PPP4R4: variants seen among roughly 807,000 people sequenced by gnomAD.
PPP4R4 encodes the protein protein phosphatase 4 regulatory subunit 4.
Under a neutral mutation model 121.8 loss-of-function variants are expected in PPP4R4, and 70 were observed. The observed-to-expected ratio is 0.57, with a 90% CI of 0.47 to 0.70. The LOEUF is 0.70. Among genes scored for constraint, PPP4R4 ranks in the 30% least tolerant of loss-of-function variants. The pLI is 0.00. For synonymous variants in PPP4R4, 348 were observed against 355.7 expected (o/e 0.98, Z 0.24); for missense variants, 875 against 1,033.6 (o/e 0.85, Z 2.10).
chr14:94,250,885 A>C (rs1391872280), intron 15 of PPP4R4, among the ~76,000 whole-genome samples: 2 of 151,966 alleles, frequency 1.3e-5, no homozygotes, highest in Non-Finnish European at 1.5e-5. Context: ...ATAATGTCTT[A>C]ATATTTTTAC....
In PPP4R4 at chr14:94,265,440, G is replaced by C. The variant is rs1326304735; in HGVS notation, c.2251G>C (p.Val751Leu). The change falls in exon 21 of 25, where the codon GTT becomes CTT. Residue 751 changes from valine (V) to leucine (L), a missense_variant. By Grantham distance (32) the Val-to-Leu change is conservative (BLOSUM62 1). Coordinates refer to ENST00000304338, the MANE Select transcript of PPP4R4 (RefSeq NM_058237.2). ...TCTGCCCAAGAACATCCCCATTTCT[G>C]TTCCTGGACCCTCTTCTGTCACCCC... ...QSLPKNIPIS[V>L]PGPSSVTPST... 2.5e-6 allele frequency: 4 copies of C among 1,612,886 alleles called. No individual in the cohort carries two copies. The highest frequency in any genetic ancestry group is 3.3e-5 in the Admixed American group (2 of 60,020).
intron 2 of PPP4R4, among the ~76,000 whole-genome samples, chr14:94,196,365 T>C (rs1307154375): frequency 7.3e-6 from 1 of 136,150 alleles, no homozygotes; most frequent in Non-Finnish European, 1.5e-5. Context: ...CAGGCTGGAG[T>C]GCAGTGGCAC....
Position 94,180,595 on chromosome 14 carries a change from CTT to C in PPP4R4, c.191+4485_191+4486del, listed in dbSNP as rs34648844. Among the ~76,000 whole-genome samples, 1,167 of 123,922 alleles carry C rather than the reference CTT, an allele frequency of 9.4e-3. 9 individuals carry two copies. Among genetic ancestry groups the C allele is most frequent in the South Asian group, 0.033 (129 of 3,854 alleles). The allele number at this position is 123,922 out of a possible 152,430, so 81.3% of individuals were successfully genotyped here. A position where few individuals can be genotyped will look rare whatever the true frequency, so the allele number is the denominator to read the frequency against. Reference sequence around the variant, plus strand: ...CAGGGCAGTCAGATAAAGAGCTTTGCTTTTTTTTTTTTTTTTTTCTTTTTTCT... The same window carrying C: ...CAGGGCAGTCAGATAAAGAGCTTTGCTTTTTTTTTTTTTTTTCTTTTTTCT... On this transcript the variant is annotated intron_variant, in intron 2 of 24. Coordinates refer to ENST00000304338, the MANE Select transcript of PPP4R4 (RefSeq NM_058237.2).
intron 3 of PPP4R4, among the ~76,000 whole-genome samples, chr14:94,214,343 A>T (rs1410490313): frequency 6.6e-6 from 1 of 152,170 alleles, no homozygotes; most frequent in African/African-American, 2.4e-5. Flanking sequence ...TAAAGAAAGG[A>T]TAAAAGGGAC....
At chr14:94,244,543 T>C in intron 11 of PPP4R4, 92 bp from the exon 12 acceptor site, 1 of 1,029,324 alleles carries the variant, frequency 9.7e-7, no homozygotes, top group Non-Finnish European at 1.3e-6. Context: ...TTAGAAGAAA[T>C]ATATAACAAG....
At chr14:94,189,075 A>G (rs1223122470) in intron 2 of PPP4R4, among the ~76,000 whole-genome samples, 2 of 152,216 alleles carry the variant, frequency 1.3e-5, no homozygotes, top group African/African-American at 4.8e-5. Flanking sequence ...TTTCTCTTAG[A>G]GAAGAAAATA....
chr14:94,227,941 A>G lies in PPP4R4; in HGVS notation c.295-2646A>G, dbSNP rs183310050. Reference sequence around the variant, plus strand: ...TGGAAGAAATGTTTCTTTTGGGAACACTAAAACAAAGGGGTATGGGAGGAT... The same window carrying G: ...TGGAAGAAATGTTTCTTTTGGGAACGCTAAAACAAAGGGGTATGGGAGGAT... On this transcript the variant is annotated intron_variant, in intron 3 of 24. Coordinates refer to ENST00000304338, the MANE Select transcript of PPP4R4 (RefSeq NM_058237.2). 7.6e-6 allele frequency: 7 copies of G among 920,714 alleles called. No homozygotes were observed. In the East Asian group the frequency reaches 5.9e-4, roughly 78 times the overall value. The allele number at this position is 920,714 out of a possible 1,614,324, so 57.0% of individuals were successfully genotyped here.
At chr14:94,257,941 A>C (rs10146882) in intron 17 of PPP4R4, among the ~76,000 whole-genome samples, 80,647 of 151,928 alleles carry the variant, frequency 0.53, 23,466 homozygotes, top group African/African-American at 0.77. Context: ...CCAGTCTGTC[A>C]CATGGAAATT....
At chr14:94,274,957 AAAGG>A (rs1403222404) in intron 23 of PPP4R4, among the ~76,000 whole-genome samples, 6 of 150,396 alleles carry the variant, frequency 4.0e-5, no homozygotes, top group East Asian at 1.9e-4. Context: ...TCAGAAATAG[AAAGG>A]AAGGAAGTAT....
rs1332288816 is a variant in PPP4R4 at position 94,227,704 on chromosome 14, A to T, written c.295-2883A>T. 5.9e-6 allele frequency: 6 copies of T among 1,019,384 alleles called. No individual in the cohort carries two copies. The East Asian group carries it at 4.5e-4, about 77-fold the overall frequency. The allele number at this position is 1,019,384 out of a possible 1,614,324, so 63.1% of individuals were successfully genotyped here. A position where few individuals can be genotyped will look rare whatever the true frequency, so the allele number is the denominator to read the frequency against. On this transcript the variant is annotated intron_variant, in intron 3 of 24. Coordinates refer to ENST00000304338, the MANE Select transcript of PPP4R4 (RefSeq NM_058237.2). ...ACGTACAAAACCCAGGACTTTAATG[A>T]CTTTAAGAGGGGGCAGAATTGCATC... is the stretch of plus-strand genomic sequence containing the variant.
rs1892320552 is a variant in PPP4R4, at chr14:94,235,899, TA to T, written c.731+1231del. 3.3e-5 allele frequency among the ~76,000 whole-genome samples: 5 copies of T among 152,328 alleles called. 1 individual carries two copies. The highest frequency in any genetic ancestry group is 3.3e-4 in the Admixed American group (5 of 15,306). On this transcript the variant is annotated intron_variant, in intron 7 of 24. Coordinates refer to ENST00000304338, the MANE Select transcript of PPP4R4 (RefSeq NM_058237.2). ...AAAAATCATTGGAACCTCTCATTTTTAGCAGAAGTTGCACTGATTTCATCTG... is the reference window on the plus strand; with the variant it reads ...AAAAATCATTGGAACCTCTCATTTTTGCAGAAGTTGCACTGATTTCATCTG...
At chr14:94,224,215 A>T (rs1891570948) in intron 3 of PPP4R4, among the ~76,000 whole-genome samples, 1 of 152,204 alleles carries the variant, frequency 6.6e-6, no homozygotes, top group African/African-American at 2.4e-5. Context: ...AGTTGCCGAG[A>T]CAGTGAAAAA....
chr14:94,216,803 G>A (rs1199503691), intron 3 of PPP4R4, among the ~76,000 whole-genome samples: 1 of 152,130 alleles, frequency 6.6e-6, no homozygotes, highest in Non-Finnish European at 1.5e-5. Context: ...CTGGAAGAGA[G>A]GTAGAAAACC....
chr14:94,206,217 C>T (rs1890451026), intron 2 of PPP4R4, among the ~76,000 whole-genome samples: 1 of 151,518 alleles, frequency 6.6e-6, no homozygotes, highest in South Asian at 2.1e-4. Flanking sequence ...TTATAATGTC[C>T]CTGTCTGTCT....
intron 14 of PPP4R4, among the ~76,000 whole-genome samples, chr14:94,249,714 C>G (rs975098544): frequency 6.6e-6 from 1 of 151,922 alleles, no homozygotes; most frequent in African/African-American, 2.4e-5. Context: ...TCATGAAGAG[C>G]TAGAATTAAG....
Position 94,256,478 on chromosome 14 carries a change from GT to G in PPP4R4, c.1886del (p.Leu629CysfsTer4), listed in dbSNP as rs1566694763. On this transcript the variant is annotated frameshift_variant, in exon 17 of 25. Coordinates refer to ENST00000304338, the MANE Select transcript of PPP4R4 (RefSeq NM_058237.2). LOFTEE classifies it high-confidence loss of function. ...ATTGTAGAATGAAACTTTGCTACCT[GT>G]TGCCCAAAGTGAAATCTACTCTGAA... ...ANVRMKLCYL[L>X]PKVKSTLKIP... The G allele has an allele frequency of 6.3e-7, 1 of 1,597,038 alleles. No homozygotes were observed.
chr14:94,197,872 T>A lies in PPP4R4; in HGVS notation c.192-10592T>A, dbSNP rs371173716. On this transcript the variant is annotated intron_variant, in intron 2 of 24. Transcript: ENST00000304338. ...GTGTAATTGTTTTGAAGTTTATCCA[T>A]GATTTTGTTCATTTCTTTTTATTGC... Among the ~76,000 whole-genome samples, 51 of 152,358 alleles carry A rather than the reference T, an allele frequency of 3.3e-4. 1 individual carries two copies. In the South Asian group the frequency reaches 9.3e-3, roughly 28 times the overall value.
At chr14:94,278,583 C>A in intron 24 of PPP4R4, 36 bp from the exon 25 acceptor site, 1 of 1,468,708 alleles carries the variant, frequency 6.8e-7, no homozygotes, top group African/African-American at 1.4e-5. Flanking sequence ...TCCTTCCCCA[C>A]CCTCCCTCTC....
At chr14:94,245,554 C>T (rs1210766149) in intron 12 of PPP4R4, 33 bp from the exon 13 acceptor site, 2 of 1,158,376 alleles carry the variant, frequency 1.7e-6, no homozygotes, top group East Asian at 5.3e-5. Flanking sequence ...ACATAGTAAT[C>T]ACTATAACAG....
Sources: gnomAD v4.1 joint callset for allele counts (sites outside exome capture counted in the v4.1 genomes callset) on GRCh38, gnomAD v4.1.1 for gene constraint, MANE v1.5 for transcripts, NCBI Gene and HGNC (gene_info 2026-07-23, HGNC 2026-07-21) for gene names.